The following GRIK4 variants were observed in gnomAD, a reference collection of about 807,000 sequenced individuals.
The protein encoded by GRIK4 is glutamate receptor ionotropic, kainate 4.
In GRIK4, 40 loss-of-function variants were observed where a neutral mutation model predicts 104.9. The observed-to-expected ratio is 0.38, with a 90% CI of 0.30 to 0.50. The LOEUF (loss-of-function observed/expected upper bound fraction) is 0.50. GRIK4 is among the 20% of genes least tolerant of loss of function. The probability of loss-of-function intolerance (pLI) is 0.93; values close to 1 mark genes in which losing one functional copy is unlikely to be tolerated. For synonymous variants in GRIK4, 485 were observed against 524.9 expected (o/e 0.92, Z 1.04); for missense variants, 1,047 against 1,308.1 (o/e 0.80, Z 3.08).
chr11:120,636,002 T>C (rs1287983992), intron 1 of GRIK4, among the ~76,000 whole-genome samples: 1 of 152,190 alleles, frequency 6.6e-6, no homozygotes, highest in African/African-American at 2.4e-5. Context: ...CTTTTCAAAC[T>C]CTGTGAGCGT....
At chr11:120,776,597 G>A (rs979820309) in intron 3 of GRIK4, among the ~76,000 whole-genome samples, 1 of 152,192 alleles carries the variant, frequency 6.6e-6, no homozygotes, top group Non-Finnish European at 1.5e-5. Context: ...AAACAAGAAC[G>A]ATTTGTTGTC....
chr11:120,536,708 C>T (rs561177901), intron 1 of GRIK4, among the ~76,000 whole-genome samples: 34 of 152,132 alleles, frequency 2.2e-4, no homozygotes, highest in African/African-American at 6.5e-4. Flanking sequence ...ATATGAGGCT[C>T]GGCAGGGAAA....
Position 120,952,747 on chromosome 11 carries a change from A to T in GRIK4, c.1591-108A>T, listed in dbSNP as rs901123127. The T allele has an allele frequency of 1.3e-6, 1 of 780,118 alleles. No homozygotes were observed. The highest frequency in any genetic ancestry group is 2.3e-6 in the Non-Finnish European group (1 of 432,344). The allele number at this position is 780,118 out of a possible 1,614,324, so 48.3% of individuals were successfully genotyped here. A position where few individuals can be genotyped will look rare whatever the true frequency, so the allele number is the denominator to read the frequency against. On this transcript the variant is annotated intron_variant, in intron 14 of 20. Transcript: ENST00000527524. The surrounding 1 kb of genome is among the most constrained non-coding windows in gnomAD (Gnocchi z 5.2). ...ATCACCCAGAACCCACAGAAATGGGAACTGGGGCCAGACCCACACTCACTA... is the reference window on the plus strand; with the variant it reads ...ATCACCCAGAACCCACAGAAATGGGTACTGGGGCCAGACCCACACTCACTA...
chr11:120,889,788 G>C (rs185822706), intron 11 of GRIK4, among the ~76,000 whole-genome samples: 103 of 151,866 alleles, frequency 6.8e-4, no homozygotes, highest in African/African-American at 2.4e-3. Context: ...GTTTTTAGTA[G>C]AGACAGGGTT....
At chr11:120,816,659 C>T (rs1365984292) in intron 5 of GRIK4, among the ~76,000 whole-genome samples, 4 of 152,126 alleles carry the variant, frequency 2.6e-5, no homozygotes, top group Non-Finnish European at 5.9e-5. Context: ...CTCTTATGAT[C>T]CAGGGCTCAG....
chr11:120,640,371 A>G (rs1040932675), intron 1 of GRIK4, among the ~76,000 whole-genome samples: 4 of 152,214 alleles, frequency 2.6e-5, no homozygotes, highest in Non-Finnish European at 4.4e-5. Context: ...GAAGTTTGGA[A>G]TGTACTTAAT....
intron 6 of GRIK4, among the ~76,000 whole-genome samples, chr11:120,827,850 A>G (rs1468067245): frequency 6.6e-6 from 1 of 152,210 alleles, no homozygotes; most frequent in Non-Finnish European, 1.5e-5. Flanking sequence ...GACTACCTCC[A>G]GTGATGGGGA....
chr11:120,626,947 T>G (rs1025610035), intron 1 of GRIK4, among the ~76,000 whole-genome samples: 5 of 152,180 alleles, frequency 3.3e-5, no homozygotes, highest in Non-Finnish European at 7.4e-5. Flanking sequence ...ACACTGATGG[T>G]CAGCACACCG....
At chr11:120,656,978 G>T (rs1421669508) in intron 2 of GRIK4, among the ~76,000 whole-genome samples, 2 of 152,160 alleles carry the variant, frequency 1.3e-5, no homozygotes, top group African/African-American at 4.8e-5. Flanking sequence ...AGGGTAATCT[G>T]ACACCTATTT....
intron 3 of GRIK4, among the ~76,000 whole-genome samples, chr11:120,705,768 G>A (rs187738673): frequency 7.2e-4 from 110 of 152,054 alleles, no homozygotes; most frequent in African/African-American, 2.5e-3. Flanking sequence ...TCTTTTTAAC[G>A]CTATCGTAAA....
intron 3 of GRIK4, among the ~76,000 whole-genome samples, chr11:120,797,933 A>T (rs1205202554): frequency 1.3e-5 from 2 of 152,158 alleles, no homozygotes; most frequent in African/African-American, 4.8e-5. Flanking sequence ...AGCTGACTGT[A>T]TGCTGTTACA....
At chr11:120,611,043 CTT>C (rs1276958536) in intron 1 of GRIK4, among the ~76,000 whole-genome samples, 1 of 152,196 alleles carries the variant, frequency 6.6e-6, no homozygotes. Flanking sequence ...GCGGACAAGA[CTT>C]TGATTTGGAT....
intron 1 of GRIK4, among the ~76,000 whole-genome samples, chr11:120,595,493 T>A (rs934150922): frequency 1.3e-5 from 2 of 152,178 alleles, no homozygotes; most frequent in South Asian, 2.1e-4. Context: ...AGAGGGAAGG[T>A]GCTCACCACC....
At chr11:120,710,439 C>T (rs1010141512) in intron 3 of GRIK4, among the ~76,000 whole-genome samples, 5 of 152,146 alleles carry the variant, frequency 3.3e-5, no homozygotes, top group Admixed American at 6.5e-5. Flanking sequence ...TTCTGATCGA[C>T]GGCACTGACT....
chr11:120,763,831 T>C (rs1429790116), intron 3 of GRIK4, among the ~76,000 whole-genome samples: 1 of 152,232 alleles, frequency 6.6e-6, no homozygotes, highest in Non-Finnish European at 1.5e-5. Flanking sequence ...ATTTCCATTC[T>C]TTTGCATTTG....
At chr11:120,816,024 G>A (rs1952948607) in intron 5 of GRIK4, among the ~76,000 whole-genome samples, 1 of 152,148 alleles carries the variant, frequency 6.6e-6, no homozygotes, top group African/African-American at 2.4e-5. Flanking sequence ...GCTTCTTCAA[G>A]CAGCACATTC....
intron 16 of GRIK4, among the ~76,000 whole-genome samples, chr11:120,957,591 A>ATTGTGTGTGTGTG (rs553062830): frequency 5.6e-4 from 77 of 136,530 alleles, no homozygotes; most frequent in Non-Finnish European, 7.5e-4. Context: ...GACAAAACAA[A>ATTGTGTGTGTGTG]TGTGTGTGTG....
chr11:120,699,539 ATGTGTGTGTGTGTGTGTGTGTG>A (rs57345739), intron 3 of GRIK4, among the ~76,000 whole-genome samples: 2 of 145,094 alleles, frequency 1.4e-5, no homozygotes, highest in East Asian at 2.2e-4. Context: ...AGGTGTGTGT[ATGTGTGTGTGTGTGTGTGTGTG>A]TGTGTGTGTG....
intron 13 of GRIK4, among the ~76,000 whole-genome samples, chr11:120,920,323 G>A (rs916669470): frequency 1.3e-5 from 2 of 152,168 alleles, no homozygotes; most frequent in Admixed American, 6.5e-5. Flanking sequence ...ACGTAGGGCT[G>A]TATTTTCACC....
Sources: gnomAD v4.1 joint callset for allele counts (sites outside exome capture counted in the v4.1 genomes callset) on GRCh38, gnomAD v4.1.1 for gene constraint, Gnocchi (gnomAD v3.1) non-coding constraint, MANE v1.5 for transcripts, NCBI Gene and HGNC (gene_info 2026-07-23, HGNC 2026-07-21) for gene names.